XPNPEP3: variants seen among roughly 807,000 people sequenced by gnomAD.
XPNPEP3 encodes xaa-Pro aminopeptidase 3.
XPNPEP3 carries 41 observed loss-of-function variants against 60.0 expected under a neutral mutation model. That is an observed-to-expected ratio of 0.68 (90% CI 0.53 to 0.89). XPNPEP3 has a LOEUF of 0.89. XPNPEP3 is among the 40% of genes least tolerant of loss of function. The probability of loss-of-function intolerance (pLI) is 0.00; values close to 1 mark genes in which losing one functional copy is unlikely to be tolerated. For synonymous variants in XPNPEP3, 212 were observed against 223.2 expected (o/e 0.95, Z 0.45); for missense variants, 598 against 638.9 (o/e 0.94, Z 0.69).
At position 40,869,004 on chromosome 22, in the gene XPNPEP3, A is replaced by T; in HGVS notation, c.70A>T (p.Met24Leu). The change falls in exon 2 of 10, where the codon ATG (methionine) becomes TTG (leucine). Residue 24 changes from methionine to leucine, a missense_variant. Transcript: ENST00000357137. ...TCTCTTTATTCTTCATTCAGGATGT[A>T]TGTTGTGTTCACAGCGAAGGTACTC... Reference protein sequence around the residue: ...VANVRGLSGCMLCSQRRYSLQ... With the variant: ...VANVRGLSGCLLCSQRRYSLQ... 4.3e-6 allele frequency: 7 copies of T among 1,612,380 alleles called. No homozygotes were observed. Among genetic ancestry groups the T allele is most frequent in the Non-Finnish European group, 5.9e-6 (7 of 1,178,434 alleles).
At chr22:40,876,455 G>A (rs771065221) in intron 2 of XPNPEP3, among the ~76,000 whole-genome samples, 6 of 152,148 alleles carry the variant, frequency 3.9e-5, no homozygotes, top group Non-Finnish European at 5.9e-5. Context: ...GTGGATTATT[G>A]TATAATCCAC....
chr22:40,930,422 C>T lies in XPNPEP3; in HGVS notation c.*3987C>T, dbSNP rs2058250687. 1 of 151,982 alleles carries T rather than the reference C, an allele frequency of 6.6e-6. No homozygotes were observed. Among genetic ancestry groups the T allele is most frequent in the South Asian group, 2.1e-4 (1 of 4,818 alleles). The allele number at this position is 151,982 out of a possible 1,614,324, so 9.4% of individuals were successfully genotyped here. ...GGGATTACAGGCGTGAGCCACTGCA[C>T]CCAGCCTTTTTAAAGTTTTTAATTG... On this transcript the variant is annotated 3_prime_UTR_variant, in exon 10 of 10. Coordinates refer to ENST00000357137, the MANE Select transcript of XPNPEP3 (RefSeq NM_022098.4).
chr22:40,879,893 G>T (rs1053884813), intron 2 of XPNPEP3, among the ~76,000 whole-genome samples: 1 of 151,696 alleles, frequency 6.6e-6, no homozygotes, highest in African/African-American at 2.4e-5. Flanking sequence ...CAGGCCTGGT[G>T]GCTCACGCCT....
chr22:40,881,721 C>T, intron 2 of XPNPEP3, 49 bp from the exon 3 acceptor site: 1 of 1,601,662 alleles, frequency 6.2e-7, no homozygotes, highest in Non-Finnish European at 8.6e-7. Context: ...ACCTTAAGTA[C>T]TTTGGCACTG....
intron 1 of XPNPEP3, among the ~76,000 whole-genome samples, chr22:40,858,293 A>G (rs77512880): frequency 0.064 from 9,742 of 151,054 alleles, 1,012 homozygotes; most frequent in African/African-American, 0.22. Flanking sequence ...TTGTAGTAGA[A>G]ACCAGGTTTT....
chr22:40,865,153 T>A (rs1010129725), intron 1 of XPNPEP3, among the ~76,000 whole-genome samples: 4 of 152,148 alleles, frequency 2.6e-5, no homozygotes, highest in Non-Finnish European at 5.9e-5. Context: ...TGTCTCAGTG[T>A]CTTTGCTTTC....
At chr22:40,905,018 C>T (rs2058149127) in intron 4 of XPNPEP3, among the ~76,000 whole-genome samples, 1 of 152,022 alleles carries the variant, frequency 6.6e-6, no homozygotes, top group Non-Finnish European at 1.5e-5. Context: ...ATCTACCTGC[C>T]TCAGCCTCCC....
intron 1 of XPNPEP3, chr22:40,860,405 A>G (rs2057935696): frequency 8.2e-6 from 2 of 243,524 alleles, no homozygotes; most frequent in Admixed American, 5.5e-5. Context: ...AAAATACTTT[A>G]TACTTTAATT....
At chr22:40,904,153 C>T (rs566076097) in intron 4 of XPNPEP3, among the ~76,000 whole-genome samples, 2 of 152,162 alleles carry the variant, frequency 1.3e-5, no homozygotes, top group African/African-American at 4.8e-5. Flanking sequence ...TAAGAAGTGC[C>T]AATCATAAAG....
Position 40,868,982 on chromosome 22 carries a change from CTT to C in XPNPEP3, c.65-15_65-14del. The C allele has an allele frequency of 6.3e-7, 1 of 1,586,886 alleles. No homozygotes were observed. Among genetic ancestry groups the C allele is most frequent in the Non-Finnish European group, 8.7e-7 (1 of 1,155,222 alleles). On this transcript the variant is annotated splice_polypyrimidine_tract_variant and intron_variant, in intron 1 of 9. Transcript: ENST00000357137. ...TAGATCTATTGTTTCATTTCATTCT[CTT>C]TATTCTTCATTCAGGATGTATGTTG... is the stretch of plus-strand genomic sequence containing the variant.
At chr22:40,917,427 A>G (rs2058200098) in intron 7 of XPNPEP3, 1 of 152,118 alleles carries the variant, frequency 6.6e-6, no homozygotes, top group African/African-American at 2.4e-5. Flanking sequence ...AACACAAGGA[A>G]TAGGGAGTGA....
chr22:40,862,518 C>A (rs1323558873), intron 1 of XPNPEP3: 1 of 985,430 alleles, frequency 1.0e-6, no homozygotes. Flanking sequence ...AGAAACAGTT[C>A]AGAGGGAGAT....
At chr22:40,859,395 A>C (rs2057927429) in intron 1 of XPNPEP3, among the ~76,000 whole-genome samples, 1 of 152,182 alleles carries the variant, frequency 6.6e-6, no homozygotes, top group Non-Finnish European at 1.5e-5. Context: ...GAGTGAAGAA[A>C]TGGACTACAG....
chr22:40,869,658 A>G (rs1427943120), intron 2 of XPNPEP3, among the ~76,000 whole-genome samples: 2 of 152,242 alleles, frequency 1.3e-5, no homozygotes, highest in Admixed American at 1.3e-4. Flanking sequence ...GATGCAAAAA[A>G]ATGATAAAGG....
At chr22:40,890,478 G>A (rs1269389522) in intron 4 of XPNPEP3, among the ~76,000 whole-genome samples, 3 of 152,126 alleles carry the variant, frequency 2.0e-5, no homozygotes, top group African/African-American at 7.2e-5. Flanking sequence ...AGTTGAAGCT[G>A]CGATGAGATG....
At chr22:40,874,480 C>T (rs1161664898) in intron 2 of XPNPEP3, among the ~76,000 whole-genome samples, 2 of 151,998 alleles carry the variant, frequency 1.3e-5, no homozygotes, top group African/African-American at 4.8e-5. Context: ...GGTTGGAGTA[C>T]AGTGCCGAGA....
intron 3 of XPNPEP3, among the ~76,000 whole-genome samples, chr22:40,883,295 A>G (rs542778004): frequency 6.9e-4 from 105 of 152,278 alleles, no homozygotes; most frequent in African/African-American, 2.4e-3. Flanking sequence ...TCCATCCCCT[A>G]TCTACTGAAT....
At chr22:40,861,783 T>G (rs376914931) in intron 1 of XPNPEP3, 1 of 1,613,616 alleles carries the variant, frequency 6.2e-7, no homozygotes, top group Non-Finnish European at 8.5e-7. Context: ...GTTTAATCCT[T>G]CTGTGCCATA....
At chr22:40,874,680 C>T (rs1257544457) in intron 2 of XPNPEP3, among the ~76,000 whole-genome samples, 1 of 152,092 alleles carries the variant, frequency 6.6e-6, no homozygotes, top group Non-Finnish European at 1.5e-5. Flanking sequence ...ACCACCTTGG[C>T]CCCCCAAAGT....
Sources: gnomAD v4.1 joint callset for allele counts (sites outside exome capture counted in the v4.1 genomes callset) on GRCh38, gnomAD v4.1.1 for gene constraint, MANE v1.5 for transcripts, NCBI Gene and HGNC (gene_info 2026-07-23, HGNC 2026-07-21) for gene names.